USH2A: variants seen among roughly 807,000 people sequenced by gnomAD.
The protein encoded by USH2A is usherin, also known as Usher syndrome 2A (autosomal recessive, mild).
Under a neutral mutation model 538.9 loss-of-function variants are expected in USH2A, and 443 were observed. That is an observed-to-expected ratio of 0.82 (90% CI 0.76 to 0.89). The LOEUF (loss-of-function observed/expected upper bound fraction) is 0.89, where lower values mean the gene tolerates loss of function less well. USH2A is among the 40% of genes least tolerant of loss of function. The pLI, the probability that USH2A is intolerant of heterozygous loss-of-function variation, is 0.00. For synonymous variants in USH2A, 2,413 were observed against 2,273.5 expected (o/e 1.06, Z -1.75); for missense variants, 6,633 against 6,324.8 (o/e 1.05, Z -1.65).
chr1:216,156,546 CCT>C (rs1246149642), intron 21 of USH2A, among the ~76,000 whole-genome samples: 1 of 152,044 alleles, frequency 6.6e-6, no homozygotes, highest in East Asian at 1.9e-4. Flanking sequence ...CTTATAAACT[CCT>C]CTCAGACTAA....
chr1:216,114,435 G>A (rs1307592663), intron 21 of USH2A, among the ~76,000 whole-genome samples: 1 of 152,014 alleles, frequency 6.6e-6, no homozygotes, highest in African/African-American at 2.4e-5. Flanking sequence ...AGTAAAAATT[G>A]ATATCATTTT....
intron 9 of USH2A, among the ~76,000 whole-genome samples, chr1:216,301,988 T>C (rs2037224506): frequency 6.6e-6 from 1 of 152,228 alleles, no homozygotes. Context: ...CTGTGATTTG[T>C]CTACTAGGTA....
At chr1:216,144,392 C>G (rs766827873) in intron 21 of USH2A, among the ~76,000 whole-genome samples, 1 of 150,798 alleles carries the variant, frequency 6.6e-6, no homozygotes, top group Non-Finnish European at 1.5e-5. Flanking sequence ...TATGGCTTTT[C>G]ATGGAAAAAT....
chr1:216,222,267 A>G (rs1011814095), intron 14 of USH2A, among the ~76,000 whole-genome samples: 1 of 152,192 alleles, frequency 6.6e-6, no homozygotes, highest in Non-Finnish European at 1.5e-5. Context: ...TATGAGCTCT[A>G]TTGTAACTCA....
chr1:215,650,038 C>G (rs1266662315), intron 65 of USH2A, among the ~76,000 whole-genome samples: 1 of 152,166 alleles, frequency 6.6e-6, no homozygotes, highest in Non-Finnish European at 1.5e-5. Context: ...TGTTAACGAA[C>G]AAACAGTGGA....
chr1:215,994,208 A>T (rs535351749), intron 34 of USH2A, among the ~76,000 whole-genome samples: 50 of 152,310 alleles, frequency 3.3e-4, no homozygotes, highest in African/African-American at 1.2e-3. Flanking sequence ...GTAAAAAAGC[A>T]GAGATATTTA....
chr1:215,661,870 T>C (rs1228678936), intron 64 of USH2A, among the ~76,000 whole-genome samples: 1 of 152,176 alleles, frequency 6.6e-6, no homozygotes, highest in African/African-American at 2.4e-5. Flanking sequence ...TCCCTGAAGA[T>C]AAAGAAGCTG....
At chr1:215,685,119 G>A (rs566489764) in intron 61 of USH2A, among the ~76,000 whole-genome samples, 32 of 152,134 alleles carry the variant, frequency 2.1e-4, no homozygotes, top group Admixed American at 5.9e-4. Flanking sequence ...CATGACTTTG[G>A]ATAGAGTACA....
intron 11 of USH2A, among the ~76,000 whole-genome samples, chr1:216,266,151 A>G (rs1417058633): frequency 6.6e-6 from 1 of 152,136 alleles, no homozygotes; most frequent in Non-Finnish European, 1.5e-5. Context: ...GTATTGAAAT[A>G]TCTCTCTGTA....
intron 19 of USH2A, 105 bp downstream of exon 19, chr1:216,196,448 T>A: frequency 7.6e-7 from 1 of 1,307,920 alleles, no homozygotes; most frequent in East Asian, 2.4e-5. Context: ...CCCTGTTTAA[T>A]CAATATAGAG....
At chr1:215,848,651 G>A (rs1663929553) in intron 44 of USH2A, among the ~76,000 whole-genome samples, 1 of 152,200 alleles carries the variant, frequency 6.6e-6, no homozygotes, top group Admixed American at 6.5e-5. Context: ...GGAGGCTCTT[G>A]AGAACAGAAA....
intron 32 of USH2A, among the ~76,000 whole-genome samples, chr1:216,040,143 T>A (rs571936245): frequency 6.6e-6 from 1 of 151,944 alleles, no homozygotes; most frequent in African/African-American, 2.4e-5. Context: ...GTCTTAGTGA[T>A]AGAAATCCAG....
intron 21 of USH2A, among the ~76,000 whole-genome samples, chr1:216,103,729 G>C (rs2032651569): frequency 6.6e-6 from 1 of 151,988 alleles, no homozygotes; most frequent in African/African-American, 2.4e-5. Flanking sequence ...CAACCCAATA[G>C]AAAATGAGCA....
chr1:216,208,129 C>T (rs986309914), intron 15 of USH2A, among the ~76,000 whole-genome samples: 2 of 152,046 alleles, frequency 1.3e-5, no homozygotes, highest in Admixed American at 6.6e-5. Flanking sequence ...ACATTGTGTT[C>T]TGTCACTGTA....
intron 38 of USH2A, among the ~76,000 whole-genome samples, chr1:215,915,735 C>T (rs1195166903): frequency 1.3e-5 from 2 of 151,764 alleles, no homozygotes; most frequent in African/African-American, 4.8e-5. Flanking sequence ...GACACATGCA[C>T]ACATATGTTT....
At chr1:215,703,448 G>T (rs914951255) in intron 61 of USH2A, among the ~76,000 whole-genome samples, 1 of 152,312 alleles carries the variant, frequency 6.6e-6, no homozygotes, top group East Asian at 1.9e-4. Flanking sequence ...GTCCCAGGGA[G>T]ATGGGAGTTT....
chr1:216,048,099 C>A (rs1261460783), intron 31 of USH2A, among the ~76,000 whole-genome samples: 1 of 152,176 alleles, frequency 6.6e-6, no homozygotes, highest in African/African-American at 2.4e-5. Context: ...GTTGCCTGTG[C>A]TGCTGTTTAG....
At chr1:216,200,299 TTTATTA>T (rs755240005) in intron 16 of USH2A, among the ~76,000 whole-genome samples, 178 bp from the exon 17 acceptor site, 1 of 152,334 alleles carries the variant, frequency 6.6e-6, no homozygotes, top group Non-Finnish European at 1.5e-5. Flanking sequence ...GTTGATTGCT[TTTATTA>T]TTGAGTATAA....
chr1:216,086,971 C>T (rs1234825605), intron 23 of USH2A, 151 bp from the exon 24 acceptor site: 10 of 651,200 alleles, frequency 1.5e-5, no homozygotes, highest in Admixed American at 4.2e-5. Flanking sequence ...TCTTCACTGG[C>T]TCTTCCTCAA....
Sources: gnomAD v4.1 joint callset for allele counts (sites outside exome capture counted in the v4.1 genomes callset) on GRCh38, gnomAD v4.1.1 for gene constraint, MANE v1.5 for transcripts, NCBI Gene and HGNC (gene_info 2026-07-23, HGNC 2026-07-21) for gene names.